Variants in DLG2 observed in about 807,000 individuals in gnomAD.
The protein encoded by DLG2 is discs large MAGUK scaffold protein 2.
A neutral mutation model predicts 132.5 loss-of-function variants in DLG2; 45 were observed. That is an observed-to-expected ratio of 0.34 (90% confidence interval 0.27 to 0.44). DLG2 has a LOEUF of 0.44. Among genes scored for constraint, DLG2 ranks in the 20% least tolerant of loss-of-function variants. DLG2 has a pLI of 1.00. For missense variants in DLG2, 1,045 were observed against 1,196.9 expected (o/e 0.87, Z 1.87); for synonymous variants, 424 against 419.6 (o/e 1.01, Z -0.13).
At chr11:83,794,437 GTTTTTTTTTTTTTT>G (rs200672667) in intron 17 of DLG2, among the ~76,000 whole-genome samples, 4 of 127,498 alleles carry the variant, frequency 3.1e-5, no homozygotes, top group African/African-American at 1.1e-4. Flanking sequence ...TTTACTATTG[GTTTTTTTTTTTTTT>G]TTTTTTTTTT....
chr11:85,495,440 AAAAC>A (rs1228303671), intron 3 of DLG2, among the ~76,000 whole-genome samples: 3 of 152,226 alleles, frequency 2.0e-5, no homozygotes, highest in Admixed American at 2.0e-4. Flanking sequence ...TTTAAAAGAA[AAAAC>A]AAACAACCCC....
intron 3 of DLG2, among the ~76,000 whole-genome samples, chr11:85,554,556 T>C (rs1272778647): frequency 6.6e-6 from 1 of 151,842 alleles, no homozygotes; most frequent in African/African-American, 2.4e-5. Context: ...AAGAATTTAG[T>C]TCATAGCTTG....
intron 6 of DLG2, among the ~76,000 whole-genome samples, chr11:84,892,938 GC>G (rs1054541810): frequency 6.6e-6 from 1 of 152,014 alleles, no homozygotes; most frequent in Non-Finnish European, 1.5e-5. Context: ...GTTTTCCACA[GC>G]CCCCCAAGAA....
intron 6 of DLG2, among the ~76,000 whole-genome samples, chr11:84,715,015 T>C (rs2061049453): frequency 6.6e-6 from 1 of 152,052 alleles, no homozygotes; most frequent in Non-Finnish European, 1.5e-5. Context: ...GGTTGCTTTC[T>C]AGAAGATGAC....
chr11:84,750,914 G>C (rs181730117), intron 6 of DLG2, among the ~76,000 whole-genome samples: 1 of 152,146 alleles, frequency 6.6e-6, no homozygotes, highest in Admixed American at 6.6e-5. Context: ...AGTGGTTTCT[G>C]GATGGGATAA....
At chr11:84,745,417 C>T (rs1041994016) in intron 6 of DLG2, among the ~76,000 whole-genome samples, 9 of 152,124 alleles carry the variant, frequency 5.9e-5, no homozygotes, top group African/African-American at 2.2e-4. Flanking sequence ...ATGTCTGTTC[C>T]CCTTTCACCT....
In DLG2 at chr11:83,481,888, T is replaced by A. The variant is rs564363174; in HGVS notation, c.2293+2241A>T. ...TAAAGAGCAAACAAACATTTGCATA[T>A]TCTGGATTGAAATGGTGTCCTATTT... On this transcript the variant is annotated intron_variant, in intron 22 of 27. Coordinates refer to ENST00000376104, the MANE Select transcript of DLG2 (RefSeq NM_001142699.3). Among the ~76,000 whole-genome samples the A allele has an allele frequency of 3.3e-5, 5 of 152,240 alleles. 1 individual carries two copies. In the South Asian group the frequency reaches 1.0e-3, roughly 32 times the overall value.
At chr11:84,277,401 T>A (rs117387793) in intron 7 of DLG2, among the ~76,000 whole-genome samples, 9 of 152,050 alleles carry the variant, frequency 5.9e-5, no homozygotes, top group African/African-American at 2.2e-4. Context: ...TAGGACTAAG[T>A]TGAAAATCAA....
intron 6 of DLG2, among the ~76,000 whole-genome samples, chr11:84,714,647 T>TCTTTCTCTC (rs2060981509): frequency 2.2e-5 from 2 of 90,650 alleles, no homozygotes; most frequent in African/African-American, 5.9e-5. Flanking sequence ...CTCTCTCTCT[T>TCTTTCTCTC]TCTCTCTCTC....
At chr11:84,627,706 T>C (rs931922308) in intron 6 of DLG2, among the ~76,000 whole-genome samples, 6 of 152,220 alleles carry the variant, frequency 3.9e-5, no homozygotes, top group African/African-American at 1.4e-4. Flanking sequence ...CTTAAAGTTC[T>C]TCAGGCTGCA....
intron 7 of DLG2, among the ~76,000 whole-genome samples, chr11:84,440,496 G>A (rs1294945407): frequency 1.3e-5 from 2 of 152,162 alleles, no homozygotes; most frequent in East Asian, 1.9e-4. Flanking sequence ...CTGGCTCTCT[G>A]TGGGCAGATG....
At chr11:83,820,614 T>C (rs1429637545) in intron 17 of DLG2, among the ~76,000 whole-genome samples, 2 of 152,122 alleles carry the variant, frequency 1.3e-5, no homozygotes, top group African/African-American at 4.8e-5. Context: ...AATGGATGTT[T>C]CAAATGAAAA....
intron 6 of DLG2, among the ~76,000 whole-genome samples, chr11:84,638,389 A>G (rs2099644301): frequency 6.6e-6 from 1 of 152,216 alleles, no homozygotes; most frequent in African/African-American, 2.4e-5. Flanking sequence ...CTATGTGCCA[A>G]GCACTGTCCT....
At chr11:83,564,842 A>G (rs1420324066) in intron 19 of DLG2, among the ~76,000 whole-genome samples, 1 of 132,166 alleles carries the variant, frequency 7.6e-6, no homozygotes, top group African/African-American at 3.0e-5. Context: ...AACAAACATA[A>G]GAAGAATTTC....
chr11:85,430,125 C>T (rs1302456850), intron 3 of DLG2, among the ~76,000 whole-genome samples: 1 of 149,964 alleles, frequency 6.7e-6, no homozygotes, highest in East Asian at 2.0e-4. Flanking sequence ...AACCAAACAC[C>T]ACATGTTCTC....
chr11:85,112,539 A>G (rs922436187), intron 5 of DLG2, among the ~76,000 whole-genome samples: 5 of 152,036 alleles, frequency 3.3e-5, no homozygotes, highest in Admixed American at 6.6e-5. Flanking sequence ...ATTCTCAGTG[A>G]TAATATAGGC....
intron 6 of DLG2, among the ~76,000 whole-genome samples, chr11:84,681,247 C>A (rs1286958191): frequency 2.0e-5 from 3 of 152,184 alleles, no homozygotes; most frequent in African/African-American, 7.2e-5. Flanking sequence ...ATCCTTCCTT[C>A]CCCTGATATG....
chr11:83,597,621 C>T (rs553247181), intron 19 of DLG2, among the ~76,000 whole-genome samples: 67 of 101,682 alleles, frequency 6.6e-4, no homozygotes, highest in South Asian at 4.8e-3. Flanking sequence ...CCCATCTCTA[C>T]CCCAAAAAAA....
intron 2 of DLG2, among the ~76,000 whole-genome samples, chr11:85,599,537 A>C (rs2080008617): frequency 6.6e-6 from 1 of 152,130 alleles, no homozygotes; most frequent in Non-Finnish European, 1.5e-5. Context: ...GCTGTGTGTG[A>C]CCTTTAACAC....
Sources: allele counts gnomAD v4.1 joint callset (sites outside exome capture counted in the v4.1 genomes callset), GRCh38; gene constraint gnomAD v4.1.1; transcripts MANE v1.5; gene names NCBI Gene and HGNC (gene_info 2026-07-23, HGNC 2026-07-21).